ASPRV1: variants seen among roughly 807,000 people sequenced by gnomAD.
ASPRV1 encodes the protein aspartic peptidase retroviral like 1.
A neutral mutation model predicts 11.0 loss-of-function variants in ASPRV1; 7 were observed. That is an observed-to-expected ratio of 0.64 (90% CI 0.36 to 1.20). The LOEUF (loss-of-function observed/expected upper bound fraction) is 1.20, where lower values mean the gene tolerates loss of function less well. ASPRV1 is among the 50% of genes most tolerant of loss of function. The pLI, the probability that ASPRV1 is intolerant of heterozygous loss-of-function variation, is 0.02. For missense variants in ASPRV1, 299 were observed against 320.0 expected, an observed-to-expected ratio of 0.93 and a Z score of 0.50; for synonymous variants, 136 against 138.4, an observed-to-expected ratio of 0.98 and a Z score of 0.12.
the ASPRV1 span, among the ~76,000 whole-genome samples, chr2:69,989,186 T>C: frequency 6.6e-6 from 1 of 152,148 alleles, no homozygotes; most frequent in African/African-American, 2.4e-5. Context: ...TGGCTCCATC[T>C]CCTCCTGGAG....
chr2:69,985,837 A>G, the ASPRV1 span, among the ~76,000 whole-genome samples: 3 of 152,224 alleles, frequency 2.0e-5, no homozygotes, highest in Admixed American at 6.5e-5. Context: ...AGCCCTGGAC[A>G]TGAAGCAGAT....
At chr2:70,072,808 T>C in the ASPRV1 span, among the ~76,000 whole-genome samples, 1 of 151,498 alleles carries the variant, frequency 6.6e-6, no homozygotes, top group South Asian at 2.1e-4. Flanking sequence ...TCCCAGCACT[T>C]CAGGAGGTCA....
the ASPRV1 span, among the ~76,000 whole-genome samples, chr2:70,038,636 G>A: frequency 6.6e-6 from 1 of 152,182 alleles, no homozygotes; most frequent in Non-Finnish European, 1.5e-5. Flanking sequence ...GGTAGGCTCT[G>A]GACACACAGA....
the ASPRV1 span, chr2:70,028,405 AC>A: frequency 6.6e-6 from 1 of 151,956 alleles, no homozygotes; most frequent in Non-Finnish European, 1.5e-5. Context: ...CAACGTACTC[AC>A]CCCTCCATGC....
the ASPRV1 span, among the ~76,000 whole-genome samples, chr2:70,007,243 G>GC: frequency 2.6e-5 from 4 of 152,328 alleles, 1 homozygote; most frequent in Admixed American, 2.0e-4. Flanking sequence ...TAAGCCGGGC[G>GC]CAGGTTGCTC....
the ASPRV1 span, chr2:70,018,110 G>C: frequency 6.6e-6 from 1 of 151,428 alleles, no homozygotes; most frequent in Non-Finnish European, 1.5e-5. Flanking sequence ...ACTCCAGCTT[G>C]GGCTACAGAG....
chr2:69,958,703 G>T (rs1677994882), downstream of ASPRV1, among the ~76,000 whole-genome samples: 1 of 152,192 alleles, frequency 6.6e-6, no homozygotes, highest in Non-Finnish European at 1.5e-5. Context: ...CGGCCCATGA[G>T]AGAGCAGCAT....
At chr2:70,039,401 A>G in the ASPRV1 span, among the ~76,000 whole-genome samples, 28 of 152,214 alleles carry the variant, frequency 1.8e-4, no homozygotes, top group Non-Finnish European at 3.4e-4. Context: ...GCTCCTGGGA[A>G]TTTGAAGAAA....
At chr2:69,972,848 C>G in the ASPRV1 span, among the ~76,000 whole-genome samples, 1 of 152,060 alleles carries the variant, frequency 6.6e-6, no homozygotes, top group Non-Finnish European at 1.5e-5. Context: ...GCTCTCACTC[C>G]ACCCTATCCC....
At chr2:69,966,081 G>C (rs188703367), upstream of ASPRV1, among the ~76,000 whole-genome samples, 1 of 152,196 alleles carries the variant, frequency 6.6e-6, no homozygotes, top group Non-Finnish European at 1.5e-5. Flanking sequence ...AACCCTGGGG[G>C]GTCCTGGAGG....
At chr2:69,976,880 C>T in the ASPRV1 span, among the ~76,000 whole-genome samples, 1 of 152,140 alleles carries the variant, frequency 6.6e-6, no homozygotes, top group Non-Finnish European at 1.5e-5. Context: ...CACACTCATA[C>T]ACCGAGGAGA....
At chr2:69,968,797 C>T in the ASPRV1 span, among the ~76,000 whole-genome samples, 1 of 152,184 alleles carries the variant, frequency 6.6e-6, no homozygotes, top group Non-Finnish European at 1.5e-5. Context: ...TCGCTGGGGA[C>T]AAGCAGTCCC....
chr2:70,072,337 G>A, the ASPRV1 span, among the ~76,000 whole-genome samples: 1 of 152,168 alleles, frequency 6.6e-6, no homozygotes. Context: ...GGGATCACTT[G>A]AGCCCAGGAG....
the ASPRV1 span, among the ~76,000 whole-genome samples, chr2:70,047,094 C>A: frequency 4.6e-5 from 7 of 152,186 alleles, no homozygotes; most frequent in African/African-American, 1.7e-4. Context: ...ATATTCATTT[C>A]TTCATTCAAT....
At chr2:69,935,532 C>A in the ASPRV1 span, 5 of 1,108,690 alleles carry the variant, frequency 4.5e-6, no homozygotes, top group Non-Finnish European at 6.9e-6. Context: ...GTTGTTACAT[C>A]TCCAGGACAG....
upstream of ASPRV1, chr2:69,963,296 G>T (rs1162883569): frequency 2.2e-6 from 1 of 456,638 alleles, no homozygotes; most frequent in Non-Finnish European, 4.4e-6. Context: ...TTGAGAGCAG[G>T]TGGTTCTTTG....
At chr2:70,036,604 AAAGT>A in the ASPRV1 span, among the ~76,000 whole-genome samples, 4 of 152,278 alleles carry the variant, frequency 2.6e-5, no homozygotes, top group South Asian at 2.1e-4. Context: ...AAAACAAAAA[AAAGT>A]AATAATCTAA....
the ASPRV1 span, among the ~76,000 whole-genome samples, chr2:70,044,384 C>T: frequency 6.6e-6 from 1 of 152,182 alleles, no homozygotes; most frequent in African/African-American, 2.4e-5. Flanking sequence ...AGCCCAGGGG[C>T]CAGGATCCCT....
the ASPRV1 span, among the ~76,000 whole-genome samples, chr2:70,018,655 C>G: frequency 6.6e-6 from 1 of 152,252 alleles, no homozygotes; most frequent in African/African-American, 2.4e-5. Flanking sequence ...ACAAAGGTCC[C>G]AAGAACACAC....
Sources: gnomAD v4.1 joint callset for allele counts (sites outside exome capture counted in the v4.1 genomes callset) on GRCh38, gnomAD v4.1.1 for gene constraint, MANE v1.5 for transcripts, NCBI Gene and HGNC (gene_info 2026-07-23, HGNC 2026-07-21) for gene names.